The following SLC43A1 variants were observed in gnomAD, a reference collection of about 807,000 sequenced individuals.
The protein encoded by SLC43A1 is large neutral amino acids transporter small subunit 3.
SLC43A1 carries 31 observed loss-of-function variants against 59.5 expected under a neutral mutation model. The ratio of observed to expected loss-of-function variants is 0.52; its 90% CI spans 0.39 to 0.70. The LOEUF is 0.70. SLC43A1 is among the 30% of genes least tolerant of loss of function. The probability of loss-of-function intolerance (pLI) is 0.00; values close to 1 mark genes in which losing one functional copy is unlikely to be tolerated. For missense variants in SLC43A1, 598 were observed against 717.8 expected (o/e 0.83, Z 1.91); for synonymous variants, 259 against 290.9 (o/e 0.89, Z 1.12).
At chr11:57,492,493 A>G (rs921557015) in intron 8 of SLC43A1, among the ~76,000 whole-genome samples, 2 of 129,510 alleles carry the variant, frequency 1.5e-5, no homozygotes, top group Non-Finnish European at 3.1e-5. Flanking sequence ...AAATAATATA[A>G]TATATAATAT....
In SLC43A1 at chr11:57,501,294, G is replaced by A. The variant is rs751356836; in HGVS notation, c.190C>T (p.Arg64Cys). The A allele has an allele frequency of 1.2e-5, 20 of 1,611,160 alleles. No individual in the cohort carries two copies. The highest frequency in any genetic ancestry group is 1.7e-5 in the Admixed American group (1 of 60,006). The change falls in exon 3 of 15, where the codon CGC (arginine) becomes TGC (cysteine). Residue 64 changes from arginine (R) to cysteine (C), a missense_variant. Arg to Cys is a radical substitution (Grantham distance 180, BLOSUM62 -3). Coordinates refer to ENST00000278426, the MANE Select transcript of SLC43A1 (RefSeq NM_003627.6). ...SSTNTTQDEQ[R>C]RWPGCDQQDE... The stretch of plus-strand genomic sequence containing the variant: ...TGCTGGTCACAGCCTGGCCACCTGC[G>A]CTGCTCATCCTGGGTGGTGTTGGTG...
At chr11:57,488,153 T>G (rs1943795558) in intron 13 of SLC43A1, among the ~76,000 whole-genome samples, 1 of 152,180 alleles carries the variant, frequency 6.6e-6, no homozygotes, top group South Asian at 2.1e-4. Context: ...CCAGGGCAGA[T>G]GTGGGAGACT....
At chr11:57,495,140 G>A (rs968191661) in intron 7 of SLC43A1, among the ~76,000 whole-genome samples, 10 of 152,012 alleles carry the variant, frequency 6.6e-5, no homozygotes, top group East Asian at 2.0e-4. Flanking sequence ...GACCCACTGC[G>A]CCTGGCCCAT....
intron 8 of SLC43A1, among the ~76,000 whole-genome samples, chr11:57,492,549 TATATATATATATATATATATATATAA>T (rs2135161929): frequency 4.2e-5 from 1 of 23,756 alleles, no homozygotes; most frequent in Admixed American, 6.1e-4. Flanking sequence ...TATATATATA[TATATATATATATATATATATATATAA>T]AAAAATAAGC....
intron 8 of SLC43A1, among the ~76,000 whole-genome samples, chr11:57,492,735 C>CAA (rs56237225): frequency 0.27 from 22,583 of 83,404 alleles, 3,721 homozygotes; most frequent in Non-Finnish European, 0.32. Context: ...CTCTATTTTA[C>CAA]AAAAAAAAAA....
intron 2 of SLC43A1, among the ~76,000 whole-genome samples, chr11:57,504,749 A>G (rs1484174492): frequency 6.6e-6 from 1 of 152,202 alleles, no homozygotes; most frequent in African/African-American, 2.4e-5. Context: ...AGCACACATC[A>G]GTGCCAGAAA....
At chr11:57,503,930 A>T (rs1428087698) in intron 2 of SLC43A1, among the ~76,000 whole-genome samples, 1 of 152,198 alleles carries the variant, frequency 6.6e-6, no homozygotes. Flanking sequence ...GCGGTGGCTC[A>T]AGCCTGTAAT....
Position 57,513,943 on chromosome 11 carries a change from C to A in SLC43A1, c.154+15G>T. The A allele has an allele frequency of 6.9e-7, 1 of 1,454,692 alleles. No individual in the cohort carries two copies. Among genetic ancestry groups the A allele is most frequent in the Non-Finnish European group, 9.5e-7 (1 of 1,051,338 alleles). 90.1% of individuals were successfully genotyped at this position (1,454,692 alleles called of 1,614,324 possible). ...ATCCCTCCCCCCAGCCCACCCAGCC[C>A]ATTTTCAGGCATACCTGGGCACGTG... is the stretch of plus-strand genomic sequence containing the variant. On this transcript the variant is annotated intron_variant, in intron 2 of 14. Transcript: ENST00000278426.
chr11:57,493,645 T>C (rs995906234), intron 8 of SLC43A1, among the ~76,000 whole-genome samples: 6 of 152,110 alleles, frequency 3.9e-5, no homozygotes, highest in Non-Finnish European at 8.8e-5. Context: ...GGAGGACCCC[T>C]GCCAGGAGGC....
In SLC43A1 at chr11:57,510,587, C is replaced by T. The variant is rs530939060; in HGVS notation, c.154+3371G>A. Among the ~76,000 whole-genome samples the T allele has an allele frequency of 8.6e-5, 13 of 151,802 alleles. No individual in the cohort carries two copies. The South Asian group carries it at 2.5e-3, about 29-fold the overall frequency. Reference sequence around the variant, plus strand: ...TGGTCCCAGTGCAGTGGTGTTTACACCTATTGATCAAAACCAGTTCCTTTT... The same window carrying T: ...TGGTCCCAGTGCAGTGGTGTTTACATCTATTGATCAAAACCAGTTCCTTTT... On this transcript the variant is annotated intron_variant, in intron 2 of 14. Coordinates refer to ENST00000278426, the MANE Select transcript of SLC43A1 (RefSeq NM_003627.6).
At chr11:57,508,100 C>T (rs1944432396) in intron 2 of SLC43A1, among the ~76,000 whole-genome samples, 1 of 152,068 alleles carries the variant, frequency 6.6e-6, no homozygotes, top group Non-Finnish European at 1.5e-5. Flanking sequence ...AACACTGTTT[C>T]TACTAAAATT....
rs148531954 is a variant in SLC43A1 at position 57,487,143 on chromosome 11, C to A, written c.1485G>T (p.Gln495His). Residue 495 changes from glutamine (Q) to histidine (H), a missense_variant, in exon 14 of 15, where the codon CAG (glutamine) becomes CAT (histidine). Gln to His is a conservative substitution (Grantham distance 24). Coordinates refer to ENST00000278426, the MANE Select transcript of SLC43A1 (RefSeq NM_003627.6). ...LISAVFALLQ[Q>H]PLFMAMVGPL... ...GTCCCACCATCGCCATGAAAAGTGG[C>A]TGCTGAAGCAAGGCGAACACAGCAC... 297 of 1,613,990 alleles carry A rather than the reference C, an allele frequency of 1.8e-4. No individual in the cohort carries two copies. The highest frequency in any genetic ancestry group is 2.3e-4 in the Non-Finnish European group (275 of 1,179,976).
At chr11:57,513,137 A>G (rs1046061433) in intron 2 of SLC43A1, among the ~76,000 whole-genome samples, 3 of 152,234 alleles carry the variant, frequency 2.0e-5, no homozygotes, top group Non-Finnish European at 4.4e-5. Context: ...GAAGTCACCA[A>G]CTGATAAAAG....
chr11:57,492,725 C>T (rs1943966245), intron 8 of SLC43A1, among the ~76,000 whole-genome samples: 1 of 81,112 alleles, frequency 1.2e-5, no homozygotes, highest in Non-Finnish European at 2.2e-5. Flanking sequence ...AATACCCTGT[C>T]TCTATTTTAC....
intron 11 of SLC43A1, 138 bp from the exon 12 acceptor site, chr11:57,489,530 A>T: frequency 8.3e-6 from 8 of 960,554 alleles, no homozygotes; most frequent in South Asian, 1.6e-5. Flanking sequence ...TTCTATGGGA[A>T]ACCCATAGAA....
intron 6 of SLC43A1, among the ~76,000 whole-genome samples, chr11:57,496,710 T>TGCTCTGCCCAAGG (rs1433765058): frequency 2.0e-5 from 3 of 152,124 alleles, no homozygotes; most frequent in Non-Finnish European, 4.4e-5. Context: ...GAGGTGCAAG[T>TGCTCTGCCCAAGG]GCTCTGCCCA....
intron 2 of SLC43A1, among the ~76,000 whole-genome samples, chr11:57,503,978 A>G (rs530772376): frequency 1.0e-3 from 154 of 152,180 alleles, no homozygotes; most frequent in Middle Eastern, 3.4e-3. Context: ...TAAATCACAA[A>G]GTCAGGAGAT....
intron 8 of SLC43A1, among the ~76,000 whole-genome samples, chr11:57,492,561 TATATATATATATA>T (rs1218589324): frequency 6.2e-4 from 50 of 80,904 alleles, no homozygotes; most frequent in Non-Finnish European, 4.2e-4. Context: ...TATATATATA[TATATATATATATA>T]AAAAAATAAG....
chr11:57,500,651 T>G, intron 5 of SLC43A1, 128 bp downstream of exon 5: 1 of 780,950 alleles, frequency 1.3e-6, no homozygotes, highest in Non-Finnish European at 2.2e-6. Context: ...TCTCACACAC[T>G]CACTTGATCT....
Sources: gnomAD v4.1 joint callset for allele counts (sites outside exome capture counted in the v4.1 genomes callset) on GRCh38, gnomAD v4.1.1 for gene constraint, MANE v1.5 for transcripts, NCBI Gene and HGNC (gene_info 2026-07-23, HGNC 2026-07-21) for gene names.